PTCHD4: variants seen among roughly 807,000 people sequenced by gnomAD.
The protein encoded by PTCHD4 is patched domain containing 4, also known as patched domain-containing protein 4.
PTCHD4 carries 33 observed loss-of-function variants against 58.1 expected under a neutral mutation model. That is an observed-to-expected ratio of 0.57 (90% confidence interval 0.43 to 0.76). The LOEUF (loss-of-function observed/expected upper bound fraction) is 0.76. Among genes scored for constraint, PTCHD4 ranks in the 30% least tolerant of loss-of-function variants. The probability of loss-of-function intolerance (pLI) is 0.00; values close to 1 mark genes in which losing one functional copy is unlikely to be tolerated. For missense variants in PTCHD4, 1,058 were observed against 1,027.1 expected (o/e 1.03, Z -0.41); for synonymous variants, 478 against 409.6 (o/e 1.17, Z -2.02).
intron 4 of PTCHD4, among the ~76,000 whole-genome samples, chr6:47,968,454 G>GA (rs202065606): frequency 0.017 from 2,608 of 152,220 alleles, 37 homozygotes; most frequent in South Asian, 0.047. Flanking sequence ...CGTGCTTTTG[G>GA]AAAAATGGCA....
intron 4 of PTCHD4, among the ~76,000 whole-genome samples, chr6:47,991,354 T>C (rs1305876879): frequency 3.3e-5 from 5 of 152,070 alleles, no homozygotes; most frequent in Non-Finnish European, 7.4e-5. Context: ...AATAAAGGAA[T>C]TTTGTACCCA....
intron 1 of PTCHD4, among the ~76,000 whole-genome samples, chr6:48,076,670 T>C (rs1355773510): frequency 6.6e-6 from 1 of 152,200 alleles, no homozygotes; most frequent in Non-Finnish European, 1.5e-5. Context: ...AAAGAAAAAC[T>C]TACTCCAAAT....
intron 4 of PTCHD4, among the ~76,000 whole-genome samples, chr6:47,994,067 A>G (rs1003617543): frequency 6.6e-6 from 1 of 152,198 alleles, no homozygotes; most frequent in African/African-American, 2.4e-5. Flanking sequence ...AGGCGGGAGC[A>G]GGTAAGAAAG....
intron 1 of PTCHD4, among the ~76,000 whole-genome samples, chr6:48,086,681 G>A (rs912265958): frequency 9.1e-4 from 138 of 152,134 alleles, no homozygotes; most frequent in Non-Finnish European, 4.9e-4. Flanking sequence ...ATAAAAAGTG[G>A]CGTTTGCATT....
chr6:47,944,287 A>G (rs1766339084), intron 4 of PTCHD4, among the ~76,000 whole-genome samples: 1 of 152,166 alleles, frequency 6.6e-6, no homozygotes, highest in Admixed American at 6.6e-5. Context: ...TATTTTTCAT[A>G]AGTAAGGATA....
At chr6:48,044,441 A>G (rs1763961772) in intron 3 of PTCHD4, among the ~76,000 whole-genome samples, 1 of 151,926 alleles carries the variant, frequency 6.6e-6, no homozygotes, top group Non-Finnish European at 1.5e-5. Flanking sequence ...AAGAAAACAG[A>G]TTTACAGCGC....
chr6:47,899,426 A>G (rs938687208), intron 4 of PTCHD4, among the ~76,000 whole-genome samples: 1 of 152,188 alleles, frequency 6.6e-6, no homozygotes, highest in Non-Finnish European at 1.5e-5. Flanking sequence ...GTAATCCTTT[A>G]TTGTGCTCCA....
intron 4 of PTCHD4, among the ~76,000 whole-genome samples, chr6:47,894,728 T>C (rs977837109): frequency 5.3e-5 from 8 of 152,266 alleles, no homozygotes; most frequent in African/African-American, 1.9e-4. Context: ...CATGATAACA[T>C]GCCAGAACAT....
intron 4 of PTCHD4, among the ~76,000 whole-genome samples, chr6:48,004,497 A>G (rs1768874444): frequency 6.6e-6 from 1 of 152,240 alleles, no homozygotes; most frequent in Admixed American, 6.5e-5. Flanking sequence ...ATCCACATAA[A>G]GCAAATGAGG....
At chr6:47,913,475 T>TA (rs1305292656) in intron 4 of PTCHD4, among the ~76,000 whole-genome samples, 50 of 152,212 alleles carry the variant, frequency 3.3e-4, no homozygotes, top group South Asian at 1.7e-3. Flanking sequence ...TTCACTCTGG[T>TA]AAAAAATCAG....
intron 4 of PTCHD4, among the ~76,000 whole-genome samples, chr6:47,907,869 C>T (rs976424994): frequency 1.3e-5 from 2 of 152,098 alleles, no homozygotes; most frequent in Admixed American, 1.3e-4. Context: ...TAGGGGAAAC[C>T]TGGACTCCCC....
rs200391045 is a variant in PTCHD4, at chr6:48,010,595, CT to C, written c.418-1482del. Among the ~76,000 whole-genome samples, 597 of 149,152 alleles carry C rather than the reference CT, an allele frequency of 4.0e-3. 4 individuals carry two copies. The highest frequency in any genetic ancestry group is 0.013 in the East Asian group (65 of 5,082). On this transcript the variant is annotated intron_variant, in intron 3 of 4. Transcript: ENST00000339488. Reference sequence around the variant, plus strand: ...ACCAGGAATTCCAAGTGAGGAATTTCTTTTTTTTTTCTTTAATTATTCTTTT... The same window carrying C: ...ACCAGGAATTCCAAGTGAGGAATTTCTTTTTTTTTCTTTAATTATTCTTTT...
chr6:47,964,176 G>A (rs549829995), intron 4 of PTCHD4, among the ~76,000 whole-genome samples: 2 of 152,150 alleles, frequency 1.3e-5, no homozygotes, highest in Non-Finnish European at 2.9e-5. Context: ...AGAAGTTGCT[G>A]TTCAATGGGT....
At chr6:48,015,705 C>A (rs1170853299) in intron 3 of PTCHD4, among the ~76,000 whole-genome samples, 4 of 151,936 alleles carry the variant, frequency 2.6e-5, no homozygotes, top group South Asian at 2.1e-4. Context: ...CAAATGATTT[C>A]TATTTGAAAT....
chr6:47,903,215 G>A (rs1001990638), intron 4 of PTCHD4, among the ~76,000 whole-genome samples: 3 of 152,028 alleles, frequency 2.0e-5, no homozygotes, highest in African/African-American at 7.2e-5. Context: ...AAAAGAGAAA[G>A]AAAAGAAAAA....
chr6:48,019,753 T>C (rs976149669), intron 3 of PTCHD4, among the ~76,000 whole-genome samples: 1 of 134,810 alleles, frequency 7.4e-6, no homozygotes, highest in South Asian at 2.5e-4. Flanking sequence ...AAAAAAATAA[T>C]AATATATGTA....
At chr6:47,916,205 G>T (rs1765238510) in intron 4 of PTCHD4, among the ~76,000 whole-genome samples, 2 of 152,078 alleles carry the variant, frequency 1.3e-5, no homozygotes, top group East Asian at 1.9e-4. Flanking sequence ...GGTTCCTGTG[G>T]CTCTCTCAGT....
chr6:48,003,099 C>T (rs1768800419), intron 4 of PTCHD4, among the ~76,000 whole-genome samples: 2 of 152,178 alleles, frequency 1.3e-5, no homozygotes, highest in Admixed American at 6.6e-5. Flanking sequence ...TTCCCAATTT[C>T]TAACCATTGA....
At chr6:48,082,378 C>A (rs568439232) in intron 1 of PTCHD4, among the ~76,000 whole-genome samples, 1 of 152,302 alleles carries the variant, frequency 6.6e-6, no homozygotes, top group Non-Finnish European at 1.5e-5. Context: ...TAGCTGTACT[C>A]TCAATTCCTC....
Sources: allele counts gnomAD v4.1 joint callset (sites outside exome capture counted in the v4.1 genomes callset), GRCh38; gene constraint gnomAD v4.1.1; transcripts MANE v1.5; gene names NCBI Gene and HGNC (gene_info 2026-07-23, HGNC 2026-07-21).